Variants in EIPR1 observed in about 807,000 individuals in gnomAD.
EIPR1 encodes the protein EARP and GARP complex-interacting protein 1.
EIPR1 carries 25 observed loss-of-function variants against 48.1 expected under a neutral mutation model. That is an observed-to-expected ratio of 0.52 (90% CI 0.38 to 0.73). The LOEUF is 0.73. Among genes scored for constraint, EIPR1 ranks in the 30% least tolerant of loss-of-function variants. The probability of loss-of-function intolerance (pLI) is 0.00; values close to 1 mark genes in which losing one functional copy is unlikely to be tolerated. For synonymous variants in EIPR1, 204 were observed against 201.9 expected, an observed-to-expected ratio of 1.01 and a Z score of -0.09; for missense variants, 415 against 506.2, an observed-to-expected ratio of 0.82 and a Z score of 1.73.
chr2:3,224,655 C>T (rs1466045615), intron 4 of EIPR1, among the ~76,000 whole-genome samples: 2 of 152,182 alleles, frequency 1.3e-5, no homozygotes, highest in Admixed American at 1.3e-4. Flanking sequence ...GATAACTGCT[C>T]CAACAAGACC....
chr2:3,257,460 G>A lies in EIPR1; in HGVS notation c.260-5C>T, dbSNP rs369565394. The stretch of plus-strand genomic sequence containing the variant: ...TCAGGACTTTGCTGTCTGAAGCTGA[G>A]CAACAGAGCATAATGGATAATGTCA... On this transcript the variant is annotated splice_polypyrimidine_tract_variant and splice_region_variant and intron_variant, in intron 3 of 8. Coordinates refer to ENST00000382125, the MANE Select transcript of EIPR1 (RefSeq NM_003310.5). The A allele has an allele frequency of 1.7e-5, 28 of 1,613,916 alleles. No individual in the cohort carries two copies. The highest frequency in any genetic ancestry group is 2.4e-5 in the Non-Finnish European group (28 of 1,179,956).
intron 5 of EIPR1, among the ~76,000 whole-genome samples, chr2:3,202,478 C>T (rs1665082734): frequency 1.3e-5 from 2 of 152,212 alleles, no homozygotes; most frequent in Admixed American, 1.3e-4. Flanking sequence ...ATACTGTGTT[C>T]CAGTTAACTT....
chr2:3,367,638 G>T (rs1368527457), intron 1 of EIPR1, among the ~76,000 whole-genome samples: 1 of 152,198 alleles, frequency 6.6e-6, no homozygotes, highest in African/African-American at 2.4e-5. Flanking sequence ...TCTTTCTAAG[G>T]ATGCAAACGC....
chr2:3,302,067 G>A (rs1668777621), intron 3 of EIPR1, among the ~76,000 whole-genome samples: 3 of 152,142 alleles, frequency 2.0e-5, no homozygotes, highest in Admixed American at 6.5e-5. Context: ...CGCCAGCAGT[G>A]GGAAAATCTC....
At chr2:3,340,257 GC>G (rs1029734852) in intron 2 of EIPR1, among the ~76,000 whole-genome samples, 1 of 152,244 alleles carries the variant, frequency 6.6e-6, no homozygotes, top group African/African-American at 2.4e-5. Context: ...AGTGCCCAGA[GC>G]CATGTGAGCT....
intron 1 of EIPR1, among the ~76,000 whole-genome samples, chr2:3,359,756 T>G (rs1388439471): frequency 6.6e-6 from 1 of 152,214 alleles, no homozygotes; most frequent in Non-Finnish European, 1.5e-5. Context: ...TTACAGGTGT[T>G]CCAATGACCT....
At chr2:3,201,377 C>T (rs566301114) in intron 5 of EIPR1, among the ~76,000 whole-genome samples, 7 of 152,332 alleles carry the variant, frequency 4.6e-5, no homozygotes, top group Admixed American at 1.3e-4. Flanking sequence ...GAGTGCTCTG[C>T]GCATAAAATC....
At chr2:3,344,760 A>G (rs1275600760) in intron 2 of EIPR1, among the ~76,000 whole-genome samples, 1 of 147,114 alleles carries the variant, frequency 6.8e-6, no homozygotes, top group Non-Finnish European at 1.5e-5. Flanking sequence ...CTCCTGCCTC[A>G]GCCTCCTGAG....
chr2:3,230,443 T>C (rs1051233887), intron 4 of EIPR1, among the ~76,000 whole-genome samples: 1 of 152,308 alleles, frequency 6.6e-6, no homozygotes, highest in African/African-American at 2.4e-5. Flanking sequence ...GAATAAACTG[T>C]GTGTTGTGGG....
At chr2:3,193,003 G>A (rs529226972) in intron 7 of EIPR1, among the ~76,000 whole-genome samples, 84 of 152,200 alleles carry the variant, frequency 5.5e-4, no homozygotes, top group Non-Finnish European at 1.1e-3. Flanking sequence ...GCGGCCTCCC[G>A]GGGCACAAGG....
intron 3 of EIPR1, among the ~76,000 whole-genome samples, chr2:3,262,613 G>A (rs113018975): frequency 0.018 from 2,777 of 152,368 alleles, 78 homozygotes; most frequent in African/African-American, 0.064. Flanking sequence ...GGGACGCCTA[G>A]TAGACCTGCT....
intron 3 of EIPR1, among the ~76,000 whole-genome samples, chr2:3,316,370 G>A (rs995207624): frequency 2.7e-5 from 4 of 149,774 alleles, no homozygotes; most frequent in African/African-American, 9.8e-5. Context: ...CCATGTTTTT[G>A]CAAAGCCACT....
intron 4 of EIPR1, among the ~76,000 whole-genome samples, chr2:3,252,987 T>C (rs1667048025): frequency 1.3e-5 from 2 of 152,212 alleles, no homozygotes; most frequent in Admixed American, 1.3e-4. Flanking sequence ...TTTTAGGCCA[T>C]GATGGGAAGT....
Position 3,338,055 on chromosome 2 carries a change from G to T in EIPR1, c.221C>A (p.Pro74His). ...AGEIWHISAS[P>H]ADRGVLTTCY... ...GGTCGTCAGCACACCTCTGTCTGCAGGGCTAGCGCTAATATGCCAGATTTC... is the reference window on the plus strand; with the variant it reads ...GGTCGTCAGCACACCTCTGTCTGCATGGCTAGCGCTAATATGCCAGATTTC... The change falls in exon 3 of 9, where the codon CCT (proline) becomes CAT (histidine). Residue 74 changes from proline to histidine, a missense_variant. By Grantham distance (77) the Pro-to-His change is moderately conservative. Coordinates refer to ENST00000382125, the MANE Select transcript of EIPR1 (RefSeq NM_003310.5). 2 of 1,612,620 alleles carry T rather than the reference G, an allele frequency of 1.2e-6. No homozygotes were observed. The highest frequency in any genetic ancestry group is 1.7e-6 in the Non-Finnish European group (2 of 1,179,784).
chr2:3,338,128 C>T lies in EIPR1; in HGVS notation c.148G>A (p.Asp50Asn), dbSNP rs1558307828. 1.2e-6 allele frequency: 2 copies of T among 1,610,240 alleles called. No homozygotes were observed. Among genetic ancestry groups the T allele is most frequent in the African/African-American group, 1.3e-5 (1 of 74,656 alleles). ...TTTTTATTTATAATGTTGTTTTCAT[C>T]GTCAAAATCTATGATATGGATCTAC... Reference protein sequence around the residue: ...DNQIHIIDFDDENNIINKNVL... With the variant: ...DNQIHIIDFDNENNIINKNVL... The change falls in exon 3 of 9, where the codon GAT becomes AAT. Residue 50 changes from aspartate (D) to asparagine (N), a missense_variant. Transcript: ENST00000382125.
intron 4 of EIPR1, among the ~76,000 whole-genome samples, chr2:3,240,251 G>A (rs1335557800): frequency 6.6e-6 from 1 of 151,702 alleles, no homozygotes; most frequent in Admixed American, 6.6e-5. Context: ...CTAAAGCAAA[G>A]CCAGCAGACT....
At chr2:3,213,571 AAAGG>A (rs1665528406) in intron 5 of EIPR1, among the ~76,000 whole-genome samples, 2 of 152,228 alleles carry the variant, frequency 1.3e-5, no homozygotes, top group South Asian at 4.1e-4. Context: ...CCATTCGTCA[AAAGG>A]ACAGCACGCT....
At chr2:3,270,176 G>T (rs1667662101) in intron 3 of EIPR1, among the ~76,000 whole-genome samples, 4 of 152,188 alleles carry the variant, frequency 2.6e-5, no homozygotes. Flanking sequence ...CACAAAGCAG[G>T]GGTGAAACAA....
At chr2:3,368,409 G>A (rs1671028426) in intron 1 of EIPR1, among the ~76,000 whole-genome samples, 1 of 152,130 alleles carries the variant, frequency 6.6e-6, no homozygotes, top group Non-Finnish European at 1.5e-5. Flanking sequence ...CAGCTCACTT[G>A]GCAGCAGTGG....
Sources: gnomAD v4.1 joint callset for allele counts (sites outside exome capture counted in the v4.1 genomes callset) on GRCh38, gnomAD v4.1.1 for gene constraint, MANE v1.5 for transcripts, NCBI Gene and HGNC (gene_info 2026-07-23, HGNC 2026-07-21) for gene names.